The following RNASE4 variants were observed in gnomAD, a reference collection of about 807,000 sequenced individuals.
The protein encoded by RNASE4 is ribonuclease A family member 4, also known as ribonuclease 4.
For synonymous variants in RNASE4, 93 were observed against 71.4 expected (o/e 1.30, Z -1.52); for missense variants, 194 against 192.8 (o/e 1.01, Z -0.04).
chr14:20,695,122 G>A (rs1215423036), intron 1 of RNASE4, among the ~76,000 whole-genome samples: 1 of 152,152 alleles, frequency 6.6e-6, no homozygotes, highest in African/African-American at 2.4e-5. Flanking sequence ...TTCCGGCCAG[G>A]CGCTGTGGCT....
At chr14:20,685,401 C>T (rs778408470) in intron 1 of RNASE4, among the ~76,000 whole-genome samples, 6 of 152,166 alleles carry the variant, frequency 3.9e-5, no homozygotes, top group Non-Finnish European at 7.3e-5. Flanking sequence ...AGGGAAATCT[C>T]AGATGAGCCA....
At chr14:20,688,917 T>C (rs1886553908) in intron 1 of RNASE4, 2 of 955,618 alleles carry the variant, frequency 2.1e-6, no homozygotes, top group Non-Finnish European at 2.5e-6. Context: ...TTTCTAGCCA[T>C]CCATCCATTT....
chr14:20,699,664 A>C lies in RNASE4; in HGVS notation c.293A>C (p.Asn98Thr). ...ATCCAATGCAAGAACGGCAAGATGA[A>C]CTGCCATGAGGGTGTAGTGAAGGTC... ...TNIQCKNGKM[N>T]CHEGVVKVTD... is the part of the protein sequence containing the mutation. The change falls in exon 2 of 2, where the codon AAC becomes ACC. Residue 98 changes from asparagine to threonine, a missense_variant. Physicochemically the swap from Asn to Thr is moderately conservative, Grantham distance 65. Transcript: ENST00000555835. The C allele has an allele frequency of 1.2e-6, 2 of 1,611,660 alleles. No homozygotes were observed. Among genetic ancestry groups the C allele is most frequent in the African/African-American group, 2.7e-5 (2 of 75,066 alleles).
intron 1 of RNASE4, among the ~76,000 whole-genome samples, chr14:20,689,681 C>T (rs555162051): frequency 6.6e-6 from 1 of 152,264 alleles, no homozygotes; most frequent in South Asian, 2.1e-4. Context: ...CTTTGGGAAG[C>T]CGAGGTAGCC....
intron 1 of RNASE4, among the ~76,000 whole-genome samples, chr14:20,693,002 T>C (rs554968728): frequency 3.3e-3 from 500 of 151,430 alleles, no homozygotes; most frequent in Middle Eastern, 0.01. Context: ...CGCCCGCCAC[T>C]ACGCCCGGCT....
intron 1 of RNASE4, among the ~76,000 whole-genome samples, chr14:20,687,101 T>C (rs117730041): frequency 0.026 from 3,905 of 152,366 alleles, 66 homozygotes; most frequent in South Asian, 0.043. Flanking sequence ...TTCATTTGTA[T>C]TAAAATTACT....
rs199849853 is a variant in RNASE4, at chr14:20,694,040, C to A, written c.-17-5315C>A. 1.9e-6 allele frequency: 3 copies of A among 1,612,500 alleles called. No individual in the cohort carries two copies. The Admixed American group carries it at 5.0e-5, about 27-fold the overall frequency. On this transcript the variant is annotated intron_variant, in intron 1 of 1. Transcript: ENST00000555835. Reference sequence around the variant, plus strand: ...GGCCCCTGGTCAAGTGCTGGCTCTGCTGTCCTTGCCTTCCATTTCCCCTCT... The same window carrying A: ...GGCCCCTGGTCAAGTGCTGGCTCTGATGTCCTTGCCTTCCATTTCCCCTCT...
intron 1 of RNASE4, among the ~76,000 whole-genome samples, chr14:20,690,912 A>G (rs1886709266): frequency 6.6e-6 from 1 of 152,250 alleles, no homozygotes; most frequent in Non-Finnish European, 1.5e-5. Flanking sequence ...CACGTGGGTA[A>G]TGGCATGTTT....
chr14:20,685,197 C>A (rs1057273911), intron 1 of RNASE4, among the ~76,000 whole-genome samples: 2 of 152,158 alleles, frequency 1.3e-5, no homozygotes, highest in Non-Finnish European at 2.9e-5. Flanking sequence ...TGCCTCCTCA[C>A]CCTTAACCCA....
rs889722748 is a variant in RNASE4 at position 20,698,054 on chromosome 14, G to A, written c.-17-1301G>A. ...AATATTTTGGGTGTGGGATGAGAGA[G>A]GCAGTAGATAGTGGAAAGAGCACAG... On this transcript the variant is annotated intron_variant, in intron 1 of 1. Coordinates refer to ENST00000555835, the MANE Select transcript of RNASE4 (RefSeq NM_002937.5). Among the ~76,000 whole-genome samples, 24 of 152,340 alleles carry A rather than the reference G, an allele frequency of 1.6e-4. 1 individual carries two copies. The highest frequency in any genetic ancestry group is 2.6e-4 in the Admixed American group (4 of 15,308).
chr14:20,688,596 T>A (rs904097334), intron 1 of RNASE4: 1 of 772,518 alleles, frequency 1.3e-6, no homozygotes, highest in Non-Finnish European at 1.6e-6. Flanking sequence ...AAACTTTGTC[T>A]TCCAGAACAA....
chr14:20,685,088 C>A (rs528232068), intron 1 of RNASE4, among the ~76,000 whole-genome samples: 2 of 152,172 alleles, frequency 1.3e-5, no homozygotes, highest in Non-Finnish European at 2.9e-5. Context: ...GAAAGCTTTG[C>A]TAGTTATTCA....
chr14:20,688,905 T>C (rs1886553133), intron 1 of RNASE4: 1 of 966,684 alleles, frequency 1.0e-6, no homozygotes, highest in Non-Finnish European at 1.2e-6. Context: ...TTTTATATAT[T>C]ATTTCTAGCC....
In RNASE4 at chr14:20,699,653, C is replaced by A. The variant is rs761660859; in HGVS notation, c.282C>A (p.Asn94Lys). ...GCACCACCAATATCCAATGCAAGAA[C>A]GGCAAGATGAACTGCCATGAGGGTG... ...ICSTTNIQCKNGKMNCHEGVV... is the reference protein window; with the variant it reads ...ICSTTNIQCKKGKMNCHEGVV... The change falls in exon 2 of 2, where the codon AAC becomes AAA. Residue 94 changes from asparagine (N) to lysine (K), a missense_variant. By Grantham distance (94) the Asn-to-Lys change is moderately conservative. Transcript: ENST00000555835. 3 of 1,612,324 alleles carry A rather than the reference C, an allele frequency of 1.9e-6. No individual in the cohort carries two copies. Among genetic ancestry groups the A allele is most frequent in the Non-Finnish European group, 2.5e-6 (3 of 1,180,012 alleles).
Position 20,699,638 on chromosome 14 carries a change from T to C in RNASE4, c.267T>C (p.Asn89=), listed in dbSNP as rs1887222804. ...WNIRSICSTT[N]IQCKNGKMNC... ...TTCGTAGTATCTGCAGCACCACCAA[T>C]ATCCAATGCAAGAACGGCAAGATGA... Residue 89 remains asparagine, a synonymous_variant, in exon 2 of 2, where the codon AAT becomes AAC. Transcript: ENST00000555835. The C allele has an allele frequency of 1.2e-6, 2 of 1,613,178 alleles. No individual in the cohort carries two copies. Among genetic ancestry groups the C allele is most frequent in the Non-Finnish European group, 1.7e-6 (2 of 1,180,030 alleles).
intron 1 of RNASE4, 169 bp from the exon 2 acceptor site, chr14:20,699,186 C>A: frequency 1.7e-6 from 1 of 603,090 alleles, no homozygotes; most frequent in South Asian, 2.3e-5. Flanking sequence ...ACTACTCACT[C>A]TTGAGGAAGA....
chr14:20,695,547 C>G (rs1023339861), intron 1 of RNASE4, among the ~76,000 whole-genome samples: 7 of 152,214 alleles, frequency 4.6e-5, no homozygotes, highest in Admixed American at 2.0e-4. Flanking sequence ...GGTTAGCTTC[C>G]TGTTAACTAA....
In RNASE4 at chr14:20,694,645, A is replaced by G. The variant is rs183575342; in HGVS notation, c.-17-4710A>G. The stretch of plus-strand genomic sequence containing the variant: ...TTTTTACAAGTCATTAGGGAGGTAG[A>G]CTTTACCTCTCTGTGAAGGAAAGTA... On this transcript the variant is annotated intron_variant, in intron 1 of 1. Transcript: ENST00000555835. Among the ~76,000 whole-genome samples the G allele has an allele frequency of 2.1e-3, 314 of 152,254 alleles. 1 individual carries two copies. The highest frequency in any genetic ancestry group is 6.9e-3 in the African/African-American group (285 of 41,550).
chr14:20,686,235 C>T (rs1886421255), intron 1 of RNASE4, among the ~76,000 whole-genome samples: 1 of 152,052 alleles, frequency 6.6e-6, no homozygotes, highest in Non-Finnish European at 1.5e-5. Context: ...ATGTTAGTAA[C>T]AGGACATGAG....
Sources: allele counts gnomAD v4.1 joint callset (sites outside exome capture counted in the v4.1 genomes callset), GRCh38; gene constraint gnomAD v4.1.1; transcripts MANE v1.5; gene names NCBI Gene and HGNC (gene_info 2026-07-23, HGNC 2026-07-21).